HCN1: variants seen among roughly 807,000 people sequenced by gnomAD.
HCN1 encodes the protein hyperpolarization activated cyclic nucleotide gated potassium channel 1.
In HCN1, 13 loss-of-function variants were observed where a neutral mutation model predicts 78.9. The observed-to-expected ratio is 0.16, with a 90% CI of 0.11 to 0.26. The LOEUF is 0.26. Ranked by LOEUF, HCN1 falls within the 10% of genes least tolerant of loss-of-function variation. The pLI is 1.00. For synonymous variants in HCN1, 552 were observed against 455.5 expected, an observed-to-expected ratio of 1.21 and a Z score of -2.70; for missense variants, 810 against 1,154.3, an observed-to-expected ratio of 0.70 and a Z score of 4.32.
At chr5:45,351,279 G>T (rs1443271004) in intron 5 of HCN1, among the ~76,000 whole-genome samples, 1 of 150,246 alleles carries the variant, frequency 6.7e-6, no homozygotes, top group East Asian at 2.0e-4. Context: ...ATGGGGAAAG[G>T]ATTCCCTATT....
At chr5:45,351,279 G>A (rs1443271004) in intron 5 of HCN1, among the ~76,000 whole-genome samples, 1 of 150,132 alleles carries the variant, frequency 6.7e-6, no homozygotes, top group East Asian at 2.0e-4. Flanking sequence ...ATGGGGAAAG[G>A]ATTCCCTATT....
chr5:45,295,726 T>C (rs1561092717), intron 6 of HCN1, among the ~76,000 whole-genome samples: 1 of 152,024 alleles, frequency 6.6e-6, no homozygotes, highest in Non-Finnish European at 1.5e-5. Context: ...TTTAGTTAGA[T>C]ATATTAGAAG....
chr5:45,342,081 G>A (rs1180659793), intron 5 of HCN1, among the ~76,000 whole-genome samples: 3 of 152,074 alleles, frequency 2.0e-5, no homozygotes, highest in Admixed American at 6.6e-5. Context: ...CAATTCTTTA[G>A]GGATGAACAA....
chr5:45,321,023 T>A (rs1316770578), intron 5 of HCN1, among the ~76,000 whole-genome samples: 2 of 151,822 alleles, frequency 1.3e-5, no homozygotes, highest in Non-Finnish European at 2.9e-5. Flanking sequence ...TCTTGTCTAC[T>A]GGGGGATTCA....
chr5:45,270,247 C>G (rs76959158), intron 6 of HCN1, among the ~76,000 whole-genome samples: 4,424 of 152,236 alleles, frequency 0.029, 251 homozygotes, highest in African/African-American at 0.1. Flanking sequence ...ATTGTGAAGG[C>G]AAAAGTTGTA....
At chr5:45,458,702 T>A (rs1741074277) in intron 3 of HCN1, among the ~76,000 whole-genome samples, 1 of 152,126 alleles carries the variant, frequency 6.6e-6, no homozygotes, top group Non-Finnish European at 1.5e-5. Flanking sequence ...ATATAAGCAT[T>A]CTACTCTTGG....
At chr5:45,467,591 C>T (rs1051873123) in intron 2 of HCN1, among the ~76,000 whole-genome samples, 1 of 152,038 alleles carries the variant, frequency 6.6e-6, no homozygotes, top group African/African-American at 2.4e-5. Context: ...GCTTGTACTA[C>T]TTAATTTTTT....
intron 5 of HCN1, among the ~76,000 whole-genome samples, chr5:45,342,062 C>A (rs1746594273): frequency 6.6e-6 from 1 of 152,038 alleles, no homozygotes; most frequent in African/African-American, 2.4e-5. Context: ...GTTAAATTCC[C>A]AGGACCCTCA....
intron 1 of HCN1, among the ~76,000 whole-genome samples, chr5:45,693,917 T>C (rs1297470069): frequency 6.6e-6 from 1 of 152,204 alleles, no homozygotes; most frequent in African/African-American, 2.4e-5. Flanking sequence ...ATACCACATT[T>C]ATTTTTGCTA....
At chr5:45,488,332 G>A (rs1347115450) in intron 2 of HCN1, among the ~76,000 whole-genome samples, 3 of 151,940 alleles carry the variant, frequency 2.0e-5, no homozygotes, top group Non-Finnish European at 4.4e-5. Context: ...AGAAGAATGG[G>A]GAACTTAGAC....
intron 1 of HCN1, among the ~76,000 whole-genome samples, chr5:45,660,919 C>A (rs1309211887): frequency 6.0e-5 from 5 of 83,930 alleles, no homozygotes; most frequent in Non-Finnish European, 1.2e-4. Context: ...AACAAGGATA[C>A]CCAGGAATTG....
At chr5:45,372,527 T>A (rs1312027962) in intron 4 of HCN1, among the ~76,000 whole-genome samples, 1 of 127,238 alleles carries the variant, frequency 7.9e-6, no homozygotes. Flanking sequence ...TATAAAAATA[T>A]ATAAAACATT....
chr5:45,574,800 G>C (rs1170862309), intron 2 of HCN1: 1 of 152,204 alleles, frequency 6.6e-6, no homozygotes, highest in Non-Finnish European at 1.5e-5. Context: ...CAGCCTTGCT[G>C]TTGATGTGGA....
intron 2 of HCN1, among the ~76,000 whole-genome samples, chr5:45,586,071 A>G (rs1744212448): frequency 6.6e-6 from 1 of 152,174 alleles, no homozygotes; most frequent in South Asian, 2.1e-4. Flanking sequence ...GGGACATTTA[A>G]GTCTGCAGAG....
intron 2 of HCN1, among the ~76,000 whole-genome samples, chr5:45,593,644 C>CGTTATTATT (rs59988843): frequency 8.3e-4 from 122 of 146,980 alleles, no homozygotes; most frequent in Non-Finnish European, 1.2e-3. Flanking sequence ...TAGCTATTTT[C>CGTTATTATT]ATTATTATTA....
At chr5:45,556,339 C>T (rs1283259168) in intron 2 of HCN1, among the ~76,000 whole-genome samples, 4 of 151,850 alleles carry the variant, frequency 2.6e-5, no homozygotes, top group Non-Finnish European at 1.5e-5. Flanking sequence ...CTCTAGATGT[C>T]GGCATAAAAA....
intron 4 of HCN1, among the ~76,000 whole-genome samples, chr5:45,373,684 T>C (rs1445189656): frequency 2.4e-5 from 3 of 124,042 alleles, no homozygotes; most frequent in Non-Finnish European, 3.2e-5. Flanking sequence ...ATCTATAATA[T>C]ATTACATACG....
At chr5:45,452,989 T>G (rs1740954064) in intron 3 of HCN1, among the ~76,000 whole-genome samples, 1 of 151,878 alleles carries the variant, frequency 6.6e-6, no homozygotes, top group Non-Finnish European at 1.5e-5. Flanking sequence ...ATCTCTAGAG[T>G]AGCATAATTA....
At chr5:45,417,797 T>C (rs1257307872) in intron 3 of HCN1, among the ~76,000 whole-genome samples, 1 of 142,748 alleles carries the variant, frequency 7.0e-6, no homozygotes, top group Non-Finnish European at 1.5e-5. Context: ...GCTCAAGGTG[T>C]ATGACTTCAT....
Sources: gnomAD v4.1 joint callset for allele counts (sites outside exome capture counted in the v4.1 genomes callset) on GRCh38, gnomAD v4.1.1 for gene constraint, MANE v1.5 for transcripts, NCBI Gene and HGNC (gene_info 2026-07-23, HGNC 2026-07-21) for gene names.